Variants in PROM1 observed in about 807,000 individuals in gnomAD.
The protein encoded by PROM1 is prominin-1.
In PROM1, 105 loss-of-function variants were observed where a neutral mutation model predicts 116.9. That is an observed-to-expected ratio of 0.90 (90% CI 0.77 to 1.06). PROM1 has a LOEUF of 1.06. Among genes scored for constraint, PROM1 ranks in the 50% least tolerant of loss-of-function variants. PROM1 has a pLI of 0.00. For missense variants in PROM1, 1,122 were observed against 1,045.2 expected (o/e 1.07, Z -1.01); for synonymous variants, 393 against 387.0 (o/e 1.02, Z -0.18).
chr4:16,034,151 TA>T (rs984077604), intron 4 of PROM1, among the ~76,000 whole-genome samples: 1 of 152,152 alleles, frequency 6.6e-6, no homozygotes, highest in Non-Finnish European at 1.5e-5. Context: ...AATCTACATA[TA>T]AGGCGCTTTG....
chr4:16,016,269 C>CAATTATTAT (rs1560492026), intron 9 of PROM1, 29 bp from the exon 10 acceptor site: 7 of 1,522,294 alleles, frequency 4.6e-6, no homozygotes, highest in Non-Finnish European at 4.4e-6. Flanking sequence ...AAATATAAGA[C>CAATTATTAT]AAGGTTGTTA....
At chr4:16,008,450 G>A (rs1726068366) in intron 12 of PROM1, among the ~76,000 whole-genome samples, 1 of 152,192 alleles carries the variant, frequency 6.6e-6, no homozygotes, top group Non-Finnish European at 1.5e-5. Flanking sequence ...TGCTCTTTCA[G>A]TAAGAACCAA....
Position 15,985,943 on chromosome 4 carries a change from AAAAG to A in PROM1, c.2211+10_2211+13del. On this transcript the variant is annotated intron_variant, in intron 21 of 27. Coordinates refer to ENST00000447510, the MANE Select transcript of PROM1 (RefSeq NM_006017.3). Reference sequence around the variant, plus strand: ...CCACTTATGGACACGCTTACTTTAAAAAAGAAGGCTCACCTCAATAATAACAGAG... The same window carrying A: ...CCACTTATGGACACGCTTACTTTAAAAAGGCTCACCTCAATAATAACAGAG... The A allele has an allele frequency of 1.1e-6, 1 of 894,066 alleles. No homozygotes were observed. The highest frequency in any genetic ancestry group is 1.4e-6 in the Non-Finnish European group (1 of 736,866). 55.4% of individuals were successfully genotyped at this position (894,066 alleles called of 1,614,324 possible).
intron 3 of PROM1, among the ~76,000 whole-genome samples, chr4:16,038,560 G>A (rs545815444): frequency 2.0e-5 from 3 of 151,782 alleles, no homozygotes; most frequent in African/African-American, 4.8e-5. Flanking sequence ...GTGCCACCAC[G>A]CCCGGCTAAT....
chr4:15,976,186 A>C, intron 26 of PROM1: 1 of 455,772 alleles, frequency 2.2e-6, no homozygotes, highest in Non-Finnish European at 4.4e-6. Flanking sequence ...ATCTAGTTCG[A>C]ATTTCAACAC....
chr4:16,076,092 G>T lies in PROM1; in HGVS notation c.-186C>A. 1 of 1,265,332 alleles carries T rather than the reference G, an allele frequency of 7.9e-7. No individual in the cohort carries two copies. Among genetic ancestry groups the T allele is most frequent in the Non-Finnish European group, 1.1e-6 (1 of 952,330 alleles). 78.4% of individuals were successfully genotyped at this position (1,265,332 alleles called of 1,614,324 possible). A position where few individuals can be genotyped will look rare whatever the true frequency, so the allele number is the denominator to read the frequency against. On this transcript the variant is annotated 5_prime_UTR_variant, in exon 2 of 28. Transcript: ENST00000447510. ...AGGGATGCGGAAGAATGTTCTCCAAGGGGGTCATTCACTCAAGGCACCATC... is the reference window on the plus strand; with the variant it reads ...AGGGATGCGGAAGAATGTTCTCCAATGGGGTCATTCACTCAAGGCACCATC...
At chr4:16,025,468 C>T (rs1262740775) in intron 5 of PROM1, among the ~76,000 whole-genome samples, 156 bp from the exon 6 acceptor site, 1 of 152,194 alleles carries the variant, frequency 6.6e-6, no homozygotes, top group East Asian at 1.9e-4. Flanking sequence ...TTCCCACCGC[C>T]ATCCCACAGT....
intron 2 of PROM1, among the ~76,000 whole-genome samples, 186 bp downstream of exon 2, chr4:16,075,501 A>G (rs970953968): frequency 2.0e-5 from 3 of 152,232 alleles, no homozygotes; most frequent in Non-Finnish European, 4.4e-5. Flanking sequence ...TCTTATAATA[A>G]CATTCCTCGC....
At chr4:16,040,608 C>T (rs1734996026) in intron 2 of PROM1, among the ~76,000 whole-genome samples, 1 of 152,242 alleles carries the variant, frequency 6.6e-6, no homozygotes, top group Admixed American at 6.5e-5. Flanking sequence ...GGAATCCAAG[C>T]TCCGCCACTT....
At chr4:16,028,980 A>G (rs934079042) in intron 5 of PROM1, among the ~76,000 whole-genome samples, 1 of 152,238 alleles carries the variant, frequency 6.6e-6, no homozygotes, top group African/African-American at 2.4e-5. Context: ...CCTTTACTTT[A>G]AAACTTGTAA....
At position 16,075,997 on chromosome 4, in the gene PROM1, G is replaced by A; in HGVS notation, c.-91C>T. 6.8e-7 allele frequency: 1 copy of A among 1,464,126 alleles called. No homozygotes were observed. Among genetic ancestry groups the A allele is most frequent in the Non-Finnish European group, 9.0e-7 (1 of 1,106,480 alleles). 90.7% of individuals were successfully genotyped at this position (1,464,126 alleles called of 1,614,324 possible). On this transcript the variant is annotated 5_prime_UTR_variant, in exon 2 of 28. Transcript: ENST00000447510. ...CTTGGGGAAGGCAAGCGTGTTCCTG[G>A]GCAGAAGAGGAGCAGGAAGCACTGG...
chr4:15,982,627 G>C (rs1718258452), intron 23 of PROM1, among the ~76,000 whole-genome samples: 1 of 152,114 alleles, frequency 6.6e-6, no homozygotes, highest in Non-Finnish European at 1.5e-5. Context: ...TCTGTCCCTG[G>C]TGATCTGTGG....
intron 27 of PROM1, among the ~76,000 whole-genome samples, chr4:15,970,428 C>T (rs996770781): frequency 6.6e-6 from 1 of 151,852 alleles, no homozygotes; most frequent in Non-Finnish European, 1.5e-5. Context: ...CCGCCTCGGC[C>T]TCCCATAGTG....
chr4:16,055,736 G>A (rs899069618), intron 2 of PROM1, among the ~76,000 whole-genome samples: 3 of 152,146 alleles, frequency 2.0e-5, no homozygotes, highest in Admixed American at 2.0e-4. Flanking sequence ...AAAATGCAAT[G>A]TCATAGCCTT....
chr4:16,013,132 G>A (rs753696245), intron 11 of PROM1, 143 bp downstream of exon 11: 93 of 664,146 alleles, frequency 1.4e-4, no homozygotes, highest in Non-Finnish European at 2.1e-4. Context: ...TGACACAATT[G>A]TAAAGCTCTG....
At chr4:15,969,825 C>T (rs1186403553) in intron 27 of PROM1, among the ~76,000 whole-genome samples, 2 of 152,102 alleles carry the variant, frequency 1.3e-5, no homozygotes, top group Non-Finnish European at 2.9e-5. Context: ...GATCTGCCCA[C>T]CTCAGCTTCC....
At chr4:16,034,587 C>T (rs963611559) in intron 4 of PROM1, among the ~76,000 whole-genome samples, 2 of 152,106 alleles carry the variant, frequency 1.3e-5, no homozygotes, top group East Asian at 1.9e-4. Context: ...GACTTTATTC[C>T]GGGATAAACG....
intron 2 of PROM1, among the ~76,000 whole-genome samples, chr4:16,046,956 G>A (rs976083077): frequency 6.6e-6 from 1 of 152,194 alleles, no homozygotes; most frequent in African/African-American, 2.4e-5. Context: ...AACTGCCTGT[G>A]TCTGTCATGG....
At chr4:16,022,382 T>C (rs575275026) in intron 8 of PROM1, among the ~76,000 whole-genome samples, 43 of 152,252 alleles carry the variant, frequency 2.8e-4, no homozygotes, top group African/African-American at 9.9e-4. Flanking sequence ...GAGAATGTTG[T>C]TGTTGGCTGG....
Sources: allele counts gnomAD v4.1 joint callset (sites outside exome capture counted in the v4.1 genomes callset), GRCh38; gene constraint gnomAD v4.1.1; transcripts MANE v1.5; gene names NCBI Gene and HGNC (gene_info 2026-07-23, HGNC 2026-07-21).